NXNL2: variants seen among roughly 807,000 people sequenced by gnomAD.
NXNL2 encodes nucleoredoxin like 2.
Under a neutral mutation model 11.1 loss-of-function variants are expected in NXNL2, and 7 were observed. The observed-to-expected ratio is 0.63, with a 90% CI of 0.36 to 1.18. The LOEUF (loss-of-function observed/expected upper bound fraction) is 1.18, where lower values mean the gene tolerates loss of function less well. Among genes scored for constraint, NXNL2 ranks in the 50% most tolerant of loss-of-function variants. NXNL2 has a pLI of 0.02. For synonymous variants in NXNL2, 109 were observed against 101.8 expected (o/e 1.07, Z -0.42); for missense variants, 233 against 217.7 (o/e 1.07, Z -0.44).
chr9:88,582,732 G>A (rs866804470), intron 1 of NXNL2, among the ~76,000 whole-genome samples: 11 of 146,136 alleles, frequency 7.5e-5, no homozygotes, highest in East Asian at 2.3e-4. Flanking sequence ...ACAGTGGCAC[G>A]ATCTTGGCTC....
At chr9:88,572,041 C>A (rs6560097) in intron 2 of NXNL2, among the ~76,000 whole-genome samples, 1 of 152,000 alleles carries the variant, frequency 6.6e-6, no homozygotes, top group Admixed American at 6.6e-5. Flanking sequence ...CTGAGGAGCA[C>A]GTGCCCAGAG....
intron 1 of NXNL2, among the ~76,000 whole-genome samples, chr9:88,551,041 G>A (rs1012683947): frequency 6.6e-6 from 1 of 152,064 alleles, no homozygotes; most frequent in African/African-American, 2.4e-5. Flanking sequence ...GGGGTGGCAG[G>A]CCTCCAAGAG....
chr9:88,582,130 A>G (rs1830414918), intron 1 of NXNL2, among the ~76,000 whole-genome samples: 3 of 152,150 alleles, frequency 2.0e-5, no homozygotes. Flanking sequence ...CTAGTCCTAT[A>G]TTTGTACAAA....
chr9:88,579,088 C>G (rs540393845), downstream of NXNL2, among the ~76,000 whole-genome samples: 2 of 152,306 alleles, frequency 1.3e-5, no homozygotes, highest in African/African-American at 4.8e-5. Context: ...GGCACGCTGG[C>G]CAATGTAAAA....
chr9:88,562,614 A>G (rs181158465), intron 1 of NXNL2, among the ~76,000 whole-genome samples: 6 of 151,628 alleles, frequency 4.0e-5, no homozygotes, highest in Non-Finnish European at 8.8e-5. Context: ...TTAGCCAGGC[A>G]TGGTGGCGTG....
At chr9:88,565,932 G>T (rs1341364124) in intron 1 of NXNL2, among the ~76,000 whole-genome samples, 3 of 152,176 alleles carry the variant, frequency 2.0e-5, no homozygotes, top group African/African-American at 7.2e-5. Flanking sequence ...CTGATAATTA[G>T]TGATGTTGAA....
intron 1 of NXNL2, among the ~76,000 whole-genome samples, chr9:88,543,785 C>T (rs1181060955): frequency 1.3e-5 from 2 of 152,214 alleles, no homozygotes; most frequent in African/African-American, 2.4e-5. Context: ...CTCTCCCAGC[C>T]ATACGTGGCT....
chr9:88,537,163 T>C (rs1309938140), intron 1 of NXNL2, among the ~76,000 whole-genome samples: 1 of 152,228 alleles, frequency 6.6e-6, no homozygotes, highest in Non-Finnish European at 1.5e-5. Flanking sequence ...TGATCACATA[T>C]GAGCTCATGT....
chr9:88,577,383 C>T (rs1368622720), downstream of NXNL2, among the ~76,000 whole-genome samples: 1 of 152,042 alleles, frequency 6.6e-6, no homozygotes, highest in African/African-American at 2.4e-5. Context: ...ACAATGGACA[C>T]GGTGGCCTCT....
chr9:88,570,678 G>A (rs780362944), intron 1 of NXNL2, among the ~76,000 whole-genome samples: 1 of 152,176 alleles, frequency 6.6e-6, no homozygotes, highest in Non-Finnish European at 1.5e-5. Flanking sequence ...TTATGTAAAT[G>A]CTTGGTTCAT....
At chr9:88,571,202 A>G (rs1050794056) in exon 2 of NXNL2, 12 of 271,062 alleles carry the variant, frequency 4.4e-5, no homozygotes, top group Non-Finnish European at 7.9e-5. Context: ...AGCATCTGGG[A>G]CTACAGGTGC....
At chr9:88,578,235 G>T (rs1425930501), downstream of NXNL2, among the ~76,000 whole-genome samples, 1 of 152,210 alleles carries the variant, frequency 6.6e-6, no homozygotes, top group East Asian at 1.9e-4. Context: ...CTCAAGGCGA[G>T]GGTTCCCGGA....
chr9:88,557,592 C>A (rs540952477), intron 1 of NXNL2, among the ~76,000 whole-genome samples: 1 of 152,330 alleles, frequency 6.6e-6, no homozygotes, highest in Middle Eastern at 3.4e-3. Flanking sequence ...GTGGAGCCAC[C>A]AACAGCTAAG....
intron 1 of NXNL2, among the ~76,000 whole-genome samples, chr9:88,542,949 T>A (rs772682321): frequency 1.3e-5 from 2 of 152,168 alleles, no homozygotes; most frequent in African/African-American, 2.4e-5. Flanking sequence ...GAAATCCGAT[T>A]ACTGTCACTG....
At position 88,580,946 on chromosome 9, in the gene NXNL2, T is replaced by G. The variant is rs78101656; in HGVS notation, n.552-3053T>G. 4.5e-3 allele frequency among the ~76,000 whole-genome samples: 678 copies of G among 152,320 alleles called. 8 individuals carry two copies. Among genetic ancestry groups the G allele is most frequent in the African/African-American group, 0.016 (645 of 41,566 alleles). On this transcript the variant is annotated intron_variant and non_coding_transcript_variant, in intron 1 of 1. Coordinates refer to the NXNL2 transcript ENST00000478686. ...CACGTTCCTCCTGATTAAATGTAGCTTATGCATTATTTTTTGCAAGAATAT... is the reference window on the plus strand; with the variant it reads ...CACGTTCCTCCTGATTAAATGTAGCGTATGCATTATTTTTTGCAAGAATAT...
chr9:88,550,262 G>A (rs1414796210), intron 1 of NXNL2, among the ~76,000 whole-genome samples: 1 of 152,106 alleles, frequency 6.6e-6, no homozygotes, highest in Non-Finnish European at 1.5e-5. Flanking sequence ...TCCAACAATG[G>A]GAGTTACAAT....
intron 1 of NXNL2, among the ~76,000 whole-genome samples, chr9:88,564,816 T>A (rs535699315): frequency 6.6e-6 from 1 of 152,260 alleles, no homozygotes; most frequent in Non-Finnish European, 1.5e-5. Flanking sequence ...ATACATTTAC[T>A]AATATTTCTT....
At position 88,544,866 on chromosome 9, in the gene NXNL2, C is replaced by G; in HGVS notation, c.*319C>G. 9.7e-7 allele frequency: 1 copy of G among 1,026,052 alleles called. No individual in the cohort carries two copies. Among genetic ancestry groups the G allele is most frequent in the African/African-American group, 1.7e-5 (1 of 58,956 alleles). The allele number at this position is 1,026,052 out of a possible 1,614,324, so 63.6% of individuals were successfully genotyped here. On this transcript the variant is annotated 3_prime_UTR_variant, in exon 2 of 2. Coordinates refer to ENST00000375854, the MANE Select transcript of NXNL2 (RefSeq NM_001161625.2). ...GCAAGACATTTATTTGTACAAGTCTCTTCAGGTAAAATAATATATTTATTG... is the reference window on the plus strand; with the variant it reads ...GCAAGACATTTATTTGTACAAGTCTGTTCAGGTAAAATAATATATTTATTG...
intron 1 of NXNL2, chr9:88,538,439 T>A (rs1829675553): frequency 6.6e-6 from 1 of 152,246 alleles, no homozygotes; most frequent in Admixed American, 6.5e-5. Context: ...GAAGATGGTG[T>A]CAAGGGCAAG....
Sources: gnomAD v4.1 joint callset for allele counts (sites outside exome capture counted in the v4.1 genomes callset) on GRCh38, gnomAD v4.1.1 for gene constraint, MANE v1.5 for transcripts, NCBI Gene and HGNC (gene_info 2026-07-23, HGNC 2026-07-21) for gene names.